The following PRKN variants were observed in gnomAD, a reference collection of about 807,000 sequenced individuals.
PRKN encodes the protein parkin RBR E3 ubiquitin protein ligase.
Under a neutral mutation model 59.5 loss-of-function variants are expected in PRKN, and 56 were observed. The ratio of observed to expected loss-of-function variants is 0.94; its 90% CI spans 0.76 to 1.18. The LOEUF (loss-of-function observed/expected upper bound fraction) is 1.18. Among genes scored for constraint, PRKN ranks in the 50% most tolerant of loss-of-function variants. The probability of loss-of-function intolerance (pLI) is 0.00; values close to 1 mark genes in which losing one functional copy is unlikely to be tolerated. For synonymous variants in PRKN, 250 were observed against 222.1 expected (o/e 1.13, Z -1.12); for missense variants, 657 against 596.4 (o/e 1.10, Z -1.06).
intron 1 of PRKN, among the ~76,000 whole-genome samples, chr6:162,561,967 A>G (rs140828467): frequency 6.6e-6 from 1 of 152,280 alleles, no homozygotes; most frequent in Admixed American, 6.5e-5. Context: ...GCTGGGACAG[A>G]CAAGGGAGTG....
Position 162,318,814 on chromosome 6 carries a change from C to T in PRKN, c.172-56049G>A, listed in dbSNP as rs571299068. ...GATATAACATTTGTGAAAGCAAAAACGAATTGAAAAAACACAAACAGGTGA... is the reference window on the plus strand; with the variant it reads ...GATATAACATTTGTGAAAGCAAAAATGAATTGAAAAAACACAAACAGGTGA... On this transcript the variant is annotated intron_variant, in intron 2 of 11. Transcript: ENST00000366898. Among the ~76,000 whole-genome samples the T allele has an allele frequency of 1.1e-4, 16 of 151,960 alleles. No individual in the cohort carries two copies. The East Asian group carries it at 1.6e-3, about 15-fold the overall frequency.
chr6:161,529,301 G>T lies in PRKN; in HGVS notation c.1083+19553C>A, dbSNP rs1207313839. ...ATGTTGACACCTGGTTGTGGCTGAC[G>T]GCTGTGTCCCTCCAGCTGCCTCACC... On this transcript the variant is annotated intron_variant, in intron 9 of 11. Transcript: ENST00000366898. This position sits in a 1 kb window ranked among gnomAD's most constrained non-coding sequence, Gnocchi z 4.4. Among the ~76,000 whole-genome samples the T allele has an allele frequency of 6.6e-6, 1 of 152,160 alleles. No homozygotes were observed. Among genetic ancestry groups the T allele is most frequent in the African/African-American group, 2.4e-5 (1 of 41,422 alleles).
intron 9 of PRKN, among the ~76,000 whole-genome samples, chr6:161,479,787 G>T (rs1453343929): frequency 6.6e-6 from 1 of 152,220 alleles, no homozygotes; most frequent in East Asian, 1.9e-4. Context: ...CAAAGCCGGG[G>T]TCACTGGGGC....
At chr6:162,459,099 C>T (rs752104596) in intron 1 of PRKN, among the ~76,000 whole-genome samples, 2 of 152,136 alleles carry the variant, frequency 1.3e-5, no homozygotes, top group Admixed American at 6.6e-5. Flanking sequence ...GGATTACAGG[C>T]ATGAGCCACC....
intron 2 of PRKN, among the ~76,000 whole-genome samples, chr6:162,310,503 C>G (rs965187316): frequency 1.3e-5 from 2 of 151,866 alleles, no homozygotes; most frequent in Non-Finnish European, 2.9e-5. Flanking sequence ...ACAGCCCTGC[C>G]GACACCTTGT....
intron 7 of PRKN, among the ~76,000 whole-genome samples, chr6:161,765,009 C>T (rs1428575678): frequency 6.6e-6 from 1 of 152,200 alleles, no homozygotes; most frequent in Non-Finnish European, 1.5e-5. Flanking sequence ...CAATTAAAAG[C>T]AATTTTGTAA....
At chr6:162,392,698 C>T (rs1359217468) in intron 2 of PRKN, among the ~76,000 whole-genome samples, 2 of 152,096 alleles carry the variant, frequency 1.3e-5, no homozygotes, top group African/African-American at 4.8e-5. Context: ...TTTAGTTTGG[C>T]CTAATACCTA....
chr6:162,160,890 CAAAAAAAAAAAAAAA>C (rs56320816), intron 4 of PRKN, among the ~76,000 whole-genome samples: 18 of 80,282 alleles, frequency 2.2e-4, no homozygotes, highest in African/African-American at 6.4e-4. Flanking sequence ...GACTCCGTCT[CAAAAAAAAAAAAAAA>C]AAAAAAAAAA....
At chr6:162,097,944 T>C (rs2128298176) in intron 4 of PRKN, among the ~76,000 whole-genome samples, 1 of 152,338 alleles carries the variant, frequency 6.6e-6, no homozygotes, top group South Asian at 2.1e-4. Context: ...TTTTAGGTGA[T>C]TTCTTGGTAA....
chr6:161,682,609 G>A (rs1202687043), intron 7 of PRKN, among the ~76,000 whole-genome samples: 2 of 151,940 alleles, frequency 1.3e-5, no homozygotes, highest in Admixed American at 1.3e-4. Flanking sequence ...AAGATGGGGG[G>A]CATTCTCAGG....
chr6:161,948,950 T>C (rs1355367024), intron 6 of PRKN, among the ~76,000 whole-genome samples: 4 of 152,162 alleles, frequency 2.6e-5, no homozygotes, highest in African/African-American at 7.2e-5. Context: ...TGCCCCAGAA[T>C]TTCCACAAAA....
At chr6:162,138,826 G>C (rs951668215) in intron 4 of PRKN, among the ~76,000 whole-genome samples, 1 of 152,178 alleles carries the variant, frequency 6.6e-6, no homozygotes, top group Admixed American at 6.5e-5. Flanking sequence ...GAAATAGCAA[G>C]AGAACCCATT....
At chr6:161,536,018 A>T (rs1344204218) in intron 9 of PRKN, among the ~76,000 whole-genome samples, 1 of 152,086 alleles carries the variant, frequency 6.6e-6, no homozygotes, top group Non-Finnish European at 1.5e-5. Flanking sequence ...GGAATATAAT[A>T]ATCTGGAGGT....
intron 2 of PRKN, among the ~76,000 whole-genome samples, chr6:162,395,371 A>G (rs1362936470): frequency 6.6e-6 from 1 of 152,208 alleles, no homozygotes; most frequent in East Asian, 1.9e-4. Context: ...GTCCAAACAG[A>G]GAAGAACTGA....
intron 2 of PRKN, among the ~76,000 whole-genome samples, chr6:162,344,833 A>C (rs756678529): frequency 1.3e-5 from 2 of 152,212 alleles, no homozygotes; most frequent in Non-Finnish European, 2.9e-5. Flanking sequence ...CAAGCAGGAA[A>C]GAAGTGAGTT....
At chr6:161,885,572 G>A (rs567400466) in intron 6 of PRKN, among the ~76,000 whole-genome samples, 1 of 151,934 alleles carries the variant, frequency 6.6e-6, no homozygotes, top group African/African-American at 2.4e-5. Flanking sequence ...GGCTGAGGCA[G>A]GAGAATGGCG....
intron 7 of PRKN, among the ~76,000 whole-genome samples, chr6:161,649,811 T>G (rs1167526157): frequency 6.6e-6 from 1 of 152,206 alleles, no homozygotes. Flanking sequence ...CAATGTTGTC[T>G]CTCCCCAAGC....
intron 9 of PRKN, among the ~76,000 whole-genome samples, chr6:161,513,825 A>T (rs1374777848): frequency 6.6e-6 from 1 of 152,148 alleles, no homozygotes; most frequent in Non-Finnish European, 1.5e-5. Context: ...CATCACTGAA[A>T]GCTGGGCTAT....
intron 6 of PRKN, among the ~76,000 whole-genome samples, chr6:161,871,119 A>G (rs1292701516): frequency 6.6e-6 from 1 of 152,126 alleles, no homozygotes. Flanking sequence ...GATACTTTGT[A>G]GCAATTTAAA....
Sources: gnomAD v4.1 joint callset for allele counts (sites outside exome capture counted in the v4.1 genomes callset) on GRCh38, gnomAD v4.1.1 for gene constraint, Gnocchi (gnomAD v3.1) non-coding constraint, MANE v1.5 for transcripts, NCBI Gene and HGNC (gene_info 2026-07-23, HGNC 2026-07-21) for gene names.